TNR: variants seen among roughly 807,000 people sequenced by gnomAD.
TNR encodes the protein tenascin R, also known as tenascin-R.
Under a neutral mutation model 150.4 loss-of-function variants are expected in TNR, and 45 were observed. The ratio of observed to expected loss-of-function variants is 0.30; its 90% CI spans 0.24 to 0.38. The LOEUF (loss-of-function observed/expected upper bound fraction) is 0.38. Among genes scored for constraint, TNR ranks in the 10% least tolerant of loss-of-function variants. TNR has a pLI of 1.00. For missense variants in TNR, 1,544 were observed against 1,759.1 expected, an observed-to-expected ratio of 0.88 and a Z score of 2.19; for synonymous variants, 687 against 678.4, an observed-to-expected ratio of 1.01 and a Z score of -0.20.
chr1:175,433,460 C>T lies in TNR; in HGVS notation c.-63-26683G>A, dbSNP rs538919079. Among the ~76,000 whole-genome samples the T allele has an allele frequency of 2.0e-5, 3 of 152,316 alleles. No homozygotes were observed. The East Asian group carries it at 5.8e-4, about 29-fold the overall frequency. ...TGTTCTCCATCCAACAAACCCTTCA[C>T]AGAAACAACATGGGACTTTGGGGAG... On this transcript the variant is annotated intron_variant, in intron 2 of 22. Coordinates refer to ENST00000367674, the MANE Select transcript of TNR (RefSeq NM_003285.3).
intron 18 of TNR, among the ~76,000 whole-genome samples, chr1:175,348,862 A>G (rs1200326519): frequency 1.3e-5 from 2 of 152,256 alleles, no homozygotes; most frequent in Non-Finnish European, 2.9e-5. Context: ...TTCTTAAGAA[A>G]GGTTTCAAAA....
At chr1:175,582,073 C>T (rs1182290992) in intron 1 of TNR, among the ~76,000 whole-genome samples, 1 of 152,088 alleles carries the variant, frequency 6.6e-6, no homozygotes, top group African/African-American at 2.4e-5. Context: ...TTTTTGGCTG[C>T]AAAATCTTAA....
At chr1:175,498,307 ATGAGCC>A (rs1371814067) in intron 2 of TNR, among the ~76,000 whole-genome samples, 3 of 152,206 alleles carry the variant, frequency 2.0e-5, no homozygotes, top group Non-Finnish European at 2.9e-5. Context: ...CTGATGGGAT[ATGAGCC>A]TGAGTGGTCT....
At chr1:175,429,225 TCA>T (rs1227449789) in intron 2 of TNR, among the ~76,000 whole-genome samples, 3 of 152,356 alleles carry the variant, frequency 2.0e-5, no homozygotes, top group South Asian at 4.1e-4. Context: ...GAAGAAATTT[TCA>T]GTCTTTAACA....
At chr1:175,724,519 C>A (rs1188413351) in intron 1 of TNR, among the ~76,000 whole-genome samples, 3 of 152,148 alleles carry the variant, frequency 2.0e-5, no homozygotes, top group Middle Eastern at 3.4e-3. Context: ...GATTACAATT[C>A]GACATGAGAT....
chr1:175,633,850 A>G (rs1285892514), intron 1 of TNR, among the ~76,000 whole-genome samples: 6 of 152,204 alleles, frequency 3.9e-5, no homozygotes, highest in Non-Finnish European at 8.8e-5. Context: ...CATCTTCCAT[A>G]GACCAGATAT....
chr1:175,419,398 C>G (rs1654650150), intron 2 of TNR, among the ~76,000 whole-genome samples: 1 of 152,064 alleles, frequency 6.6e-6, no homozygotes, highest in African/African-American at 2.4e-5. Flanking sequence ...TGTTGATAAA[C>G]AGAGCACGTT....
At chr1:175,462,378 T>A (rs1656858892) in intron 2 of TNR, among the ~76,000 whole-genome samples, 1 of 152,234 alleles carries the variant, frequency 6.6e-6, no homozygotes, top group Non-Finnish European at 1.5e-5. Flanking sequence ...GCTTCTTGTG[T>A]GTACCGAAAA....
chr1:175,642,956 T>A (rs376860421), intron 1 of TNR, among the ~76,000 whole-genome samples: 1 of 151,952 alleles, frequency 6.6e-6, no homozygotes, highest in African/African-American at 2.4e-5. Flanking sequence ...GAAATGCACA[T>A]ATATAATATG....
chr1:175,365,821 A>G, intron 11 of TNR, 54 bp downstream of exon 11: 2 of 1,569,544 alleles, frequency 1.3e-6, no homozygotes, highest in Non-Finnish European at 1.7e-6. Flanking sequence ...TGAATTTCTC[A>G]CACTGAGATC....
At chr1:175,663,785 G>A (rs888036404) in intron 1 of TNR, among the ~76,000 whole-genome samples, 1 of 152,224 alleles carries the variant, frequency 6.6e-6, no homozygotes, top group Non-Finnish European at 1.5e-5. Flanking sequence ...CTTACAGGGA[G>A]CAGATGAAAG....
chr1:175,394,482 T>G (rs920254649), intron 5 of TNR, among the ~76,000 whole-genome samples: 1 of 152,200 alleles, frequency 6.6e-6, no homozygotes, highest in Non-Finnish European at 1.5e-5. Flanking sequence ...ATGGTCTGAA[T>G]TTTTCATTTC....
intron 1 of TNR, among the ~76,000 whole-genome samples, chr1:175,686,590 C>T (rs953034455): frequency 6.6e-6 from 1 of 152,178 alleles, no homozygotes; most frequent in East Asian, 1.9e-4. Flanking sequence ...GAGCCCATCA[C>T]CCAAATAGTA....
chr1:175,730,833 A>G (rs1214680684), intron 1 of TNR, among the ~76,000 whole-genome samples: 1 of 152,200 alleles, frequency 6.6e-6, no homozygotes, highest in Non-Finnish European at 1.5e-5. Context: ...TGGAGCTAAC[A>G]TTTGAGGCTA....
chr1:175,324,349 C>T lies in TNR; in HGVS notation c.3957+7G>A, dbSNP rs759576450. 23 of 1,611,672 alleles carry T rather than the reference C, an allele frequency of 1.4e-5. No individual in the cohort carries two copies. Among genetic ancestry groups the T allele is most frequent in the Non-Finnish European group, 2.0e-5 (23 of 1,179,190 alleles). On this transcript the variant is annotated splice_region_variant and intron_variant, in intron 22 of 22. Coordinates refer to ENST00000367674, the MANE Select transcript of TNR (RefSeq NM_003285.3). ...CTCATTCATAGCAGAGGTGGAGCAT[C>T]GCTTACCTGACTGTGCCTGGACTCC...
chr1:175,593,248 G>A (rs1048087608), intron 1 of TNR, among the ~76,000 whole-genome samples: 14 of 152,116 alleles, frequency 9.2e-5, no homozygotes, highest in Non-Finnish European at 2.1e-4. Flanking sequence ...TGTATGGAGA[G>A]CACTGATAGA....
chr1:175,584,109 C>T (rs1054867374), intron 1 of TNR, among the ~76,000 whole-genome samples: 7 of 152,314 alleles, frequency 4.6e-5, no homozygotes, highest in African/African-American at 1.7e-4. Flanking sequence ...TGTTGAAGTT[C>T]TAATCCCCAA....
At chr1:175,383,756 G>A (rs1652796470) in intron 8 of TNR, among the ~76,000 whole-genome samples, 1 of 152,204 alleles carries the variant, frequency 6.6e-6, no homozygotes, top group South Asian at 2.1e-4. Flanking sequence ...TGAGGGTCTG[G>A]GTACCCTCTC....
At chr1:175,571,365 G>C (rs1000139149) in intron 1 of TNR, among the ~76,000 whole-genome samples, 4 of 152,122 alleles carry the variant, frequency 2.6e-5, no homozygotes, top group Non-Finnish European at 5.9e-5. Flanking sequence ...GCCAAATCCT[G>C]TGTGTATATT....
Sources: allele counts gnomAD v4.1 joint callset (sites outside exome capture counted in the v4.1 genomes callset), GRCh38; gene constraint gnomAD v4.1.1; transcripts MANE v1.5; gene names NCBI Gene and HGNC (gene_info 2026-07-23, HGNC 2026-07-21).